The following MAD1L1 variants were observed in gnomAD, a reference collection of about 807,000 sequenced individuals.
The protein encoded by MAD1L1 is mitotic spindle assembly checkpoint protein MAD1.
MAD1L1 carries 95 observed loss-of-function variants against 96.9 expected under a neutral mutation model. The ratio of observed to expected loss-of-function variants is 0.98; its 90% CI spans 0.83 to 1.16. The LOEUF (loss-of-function observed/expected upper bound fraction) is 1.16. Ranked by LOEUF, MAD1L1 falls within the 50% of genes most tolerant of loss-of-function variation. The probability of loss-of-function intolerance (pLI) is 0.00; values close to 1 mark genes in which losing one functional copy is unlikely to be tolerated. For missense variants in MAD1L1, 1,007 were observed against 954.4 expected, an observed-to-expected ratio of 1.06 and a Z score of -0.73; for synonymous variants, 473 against 396.6, an observed-to-expected ratio of 1.19 and a Z score of -2.29.
intron 11 of MAD1L1, among the ~76,000 whole-genome samples, chr7:2,089,403 C>T (rs1220413462): frequency 6.6e-6 from 1 of 152,174 alleles, no homozygotes; most frequent in African/African-American, 2.4e-5. Flanking sequence ...TTGCTTCTTC[C>T]TCATTTTCTC....
At chr7:2,005,792 C>A (rs1782004844) in intron 13 of MAD1L1, among the ~76,000 whole-genome samples, 1 of 152,052 alleles carries the variant, frequency 6.6e-6, no homozygotes, top group South Asian at 2.1e-4. Flanking sequence ...CAGAGTGAGA[C>A]CCTGTGTCAA....
intron 17 of MAD1L1, among the ~76,000 whole-genome samples, chr7:1,925,427 A>C (rs1156687275): frequency 1.3e-5 from 2 of 152,256 alleles, no homozygotes; most frequent in African/African-American, 4.8e-5. Context: ...CGAAGTTTAT[A>C]GGCTCACAGT....
At chr7:2,101,703 T>C (rs138719983) in intron 11 of MAD1L1, among the ~76,000 whole-genome samples, 99 of 152,256 alleles carry the variant, frequency 6.5e-4, no homozygotes, top group African/African-American at 2.3e-3. Context: ...TCCCTCAACT[T>C]ACCAAAGTGA....
At chr7:1,976,000 T>C (rs1780620322) in intron 15 of MAD1L1, among the ~76,000 whole-genome samples, 1 of 152,194 alleles carries the variant, frequency 6.6e-6, no homozygotes, top group Non-Finnish European at 1.5e-5. Flanking sequence ...AGATTTGTTC[T>C]GGCTGAAAGG....
intron 18 of MAD1L1, among the ~76,000 whole-genome samples, chr7:1,852,340 G>C (rs1784021209): frequency 6.6e-6 from 1 of 152,206 alleles, no homozygotes; most frequent in African/African-American, 2.4e-5. Flanking sequence ...GGACTGGGAG[G>C]ACCTGGCTTG....
Position 2,229,972 on chromosome 7 carries a change from C to T in MAD1L1, c.150+12G>A. 6.2e-7 allele frequency: 1 copy of T among 1,611,902 alleles called. No individual in the cohort carries two copies. Among genetic ancestry groups the T allele is most frequent in the Non-Finnish European group, 8.5e-7 (1 of 1,179,838 alleles). On this transcript the variant is annotated intron_variant, in intron 3 of 18. Transcript: ENST00000265854. The stretch of plus-strand genomic sequence containing the variant: ...CCCAGAGCAGACTCCCACCCAGGCA[C>T]ATGCCACTCACCTGCATGCTCTGCT...
intron 12 of MAD1L1, among the ~76,000 whole-genome samples, chr7:2,042,638 C>T (rs528025887): frequency 3.9e-5 from 6 of 152,258 alleles, no homozygotes; most frequent in Admixed American, 2.6e-4. Flanking sequence ...CCAGAGCCAT[C>T]CCGAGTGAGG....
In MAD1L1 at chr7:1,992,175, A is replaced by G. The variant is rs1781383104; in HGVS notation, c.1416+9890T>C. Reference sequence around the variant, plus strand: ...CCACCAGAGCGCCACTGCTGGCCTCATGAGCACCGCTGGGTGCCTGAGCAC... The same window carrying G: ...CCACCAGAGCGCCACTGCTGGCCTCGTGAGCACCGCTGGGTGCCTGAGCAC... On this transcript the variant is annotated intron_variant, in intron 14 of 18. Transcript: ENST00000265854. 2.8e-5 allele frequency among the ~76,000 whole-genome samples: 4 copies of G among 142,324 alleles called. 1 individual carries two copies. Among genetic ancestry groups the G allele is most frequent in the African/African-American group, 1.1e-4 (4 of 37,712 alleles). The allele number at this position is 142,324 out of a possible 152,430, so 93.4% of individuals were successfully genotyped here. A position where few individuals can be genotyped will look rare whatever the true frequency, so the allele number is the denominator to read the frequency against.
intron 12 of MAD1L1, among the ~76,000 whole-genome samples, chr7:2,024,816 C>T (rs1292943605): frequency 6.6e-6 from 1 of 152,164 alleles, no homozygotes; most frequent in Non-Finnish European, 1.5e-5. Context: ...TCACTAATAA[C>T]CTCCCAAAAA....
chr7:2,061,579 C>G (rs1383722704), intron 12 of MAD1L1, among the ~76,000 whole-genome samples: 1 of 152,222 alleles, frequency 6.6e-6, no homozygotes, highest in Non-Finnish European at 1.5e-5. Flanking sequence ...ACCATCCACA[C>G]CCCAACAGGA....
At chr7:1,960,171 A>G (rs1779894604) in intron 15 of MAD1L1, among the ~76,000 whole-genome samples, 1 of 152,120 alleles carries the variant, frequency 6.6e-6, no homozygotes, top group African/African-American at 2.4e-5. Flanking sequence ...AAAATAACAA[A>G]GACTTATAGC....
At chr7:2,055,690 A>T (rs1784359341) in intron 12 of MAD1L1, among the ~76,000 whole-genome samples, 1 of 143,640 alleles carries the variant, frequency 7.0e-6, no homozygotes, top group Non-Finnish European at 1.5e-5. Flanking sequence ...AAAAAAAAAA[A>T]ATCTAGGACC....
intron 18 of MAD1L1, among the ~76,000 whole-genome samples, chr7:1,890,597 A>T (rs1317770203): frequency 2.0e-5 from 3 of 152,242 alleles, no homozygotes; most frequent in African/African-American, 7.2e-5. Context: ...CTTTATAGCA[A>T]CATAACAGGC....
chr7:1,870,483 C>A (rs1383365690), intron 18 of MAD1L1, among the ~76,000 whole-genome samples: 1 of 134,616 alleles, frequency 7.4e-6, no homozygotes, highest in Non-Finnish European at 1.6e-5. Context: ...ATGCCTGCCA[C>A]GCTGAACCCA....
At chr7:2,057,359 T>G (rs891396327) in intron 12 of MAD1L1, among the ~76,000 whole-genome samples, 5 of 152,230 alleles carry the variant, frequency 3.3e-5, no homozygotes, top group Admixed American at 6.5e-5. Context: ...CTACTAAAAA[T>G]ACAAAGAATT....
At chr7:2,118,869 G>A (rs774279831) in intron 11 of MAD1L1, among the ~76,000 whole-genome samples, 1 of 152,204 alleles carries the variant, frequency 6.6e-6, no homozygotes, top group Non-Finnish European at 1.5e-5. Flanking sequence ...ACAGCCGTCT[G>A]GGTCACAGCC....
intron 18 of MAD1L1, among the ~76,000 whole-genome samples, chr7:1,871,972 A>T (rs1390498494): frequency 6.6e-6 from 1 of 152,152 alleles, no homozygotes; most frequent in Non-Finnish European, 1.5e-5. Context: ...AAGCAGAGGG[A>T]GGGAGAGACA....
intron 10 of MAD1L1, among the ~76,000 whole-genome samples, chr7:2,210,937 G>C (rs1013349004): frequency 6.6e-6 from 1 of 152,208 alleles, no homozygotes; most frequent in Non-Finnish European, 1.5e-5. Context: ...ATCTTCACAC[G>C]CAGTTGGGGA....
At chr7:1,834,962 G>A (rs1583501729) in intron 18 of MAD1L1, among the ~76,000 whole-genome samples, 1 of 152,160 alleles carries the variant, frequency 6.6e-6, no homozygotes, top group Admixed American at 6.5e-5. Flanking sequence ...AGATAATGTA[G>A]TATGACTAAG....
Sources: gnomAD v4.1 joint callset for allele counts (sites outside exome capture counted in the v4.1 genomes callset) on GRCh38, gnomAD v4.1.1 for gene constraint, MANE v1.5 for transcripts, NCBI Gene and HGNC (gene_info 2026-07-23, HGNC 2026-07-21) for gene names.